SMIM36: variants seen among roughly 807,000 people sequenced by gnomAD.
The protein encoded by SMIM36 is small integral membrane protein 36.
At chr17:55,508,928 C>CAAAAAAAAAAAAAA (rs35834283) in intron 1 of SMIM36, among the ~76,000 whole-genome samples, 1 of 97,046 alleles carries the variant, frequency 1.0e-5, no homozygotes, top group Non-Finnish European at 2.1e-5. Context: ...TGTCTCAGAA[C>CAAAAAAAAAAAAAA]AAAAAAAAAA....
intron 1 of SMIM36, among the ~76,000 whole-genome samples, chr17:55,504,986 T>C (rs1448131939): frequency 3.4e-5 from 3 of 88,704 alleles, no homozygotes; most frequent in Non-Finnish European, 6.3e-5. Context: ...AAGAAATGGA[T>C]AAATTCCTCG....
At chr17:55,522,815 A>G in the SMIM36 span, among the ~76,000 whole-genome samples, 1 of 151,126 alleles carries the variant, frequency 6.6e-6, no homozygotes, top group Non-Finnish European at 1.5e-5. Flanking sequence ...TTGTGATATG[A>G]CTCTCCCCTC....
At chr17:55,529,599 C>G in the SMIM36 span, among the ~76,000 whole-genome samples, 1 of 145,844 alleles carries the variant, frequency 6.9e-6, no homozygotes, top group Non-Finnish European at 1.5e-5. Context: ...AACCCCATCT[C>G]TACTAAAAAT....
intron 1 of SMIM36, among the ~76,000 whole-genome samples, chr17:55,494,558 C>G (rs774179974): frequency 4.6e-5 from 7 of 151,964 alleles, no homozygotes; most frequent in Non-Finnish European, 8.8e-5. Context: ...GGTGCAGAGC[C>G]GGTCTTCAAA....
chr17:55,496,317 A>C (rs896799058), intron 1 of SMIM36, among the ~76,000 whole-genome samples: 3 of 152,170 alleles, frequency 2.0e-5, no homozygotes, highest in Non-Finnish European at 4.4e-5. Context: ...CCAGGCTGGC[A>C]ATGCGTCAAG....
intron 4 of SMIM36, among the ~76,000 whole-genome samples, chr17:55,450,891 CTTCTTTTTTTT>C (rs913065237): frequency 3.9e-5 from 6 of 152,104 alleles, no homozygotes; most frequent in Non-Finnish European, 7.4e-5. Flanking sequence ...TCCATAGTGG[CTTCTTTTTTTT>C]TTGAGACGGA....
intron 3 of SMIM36, among the ~76,000 whole-genome samples, chr17:55,476,862 C>T (rs1909435894): frequency 6.6e-6 from 1 of 152,194 alleles, no homozygotes; most frequent in South Asian, 2.1e-4. Flanking sequence ...CCACCATGCC[C>T]GGCCAAGATG....
At chr17:55,450,260 T>G (rs1567860524) in exon 5 of SMIM36, 1 of 151,960 alleles carries the variant, frequency 6.6e-6, no homozygotes. Context: ...TCGGAGGGAG[T>G]ACAGCCCCTC....
intron 3 of SMIM36, among the ~76,000 whole-genome samples, chr17:55,469,240 G>A (rs780334386): frequency 4.6e-5 from 7 of 151,928 alleles, no homozygotes; most frequent in Non-Finnish European, 8.8e-5. Context: ...TTACAGTTTC[G>A]TTCCGCGACT....
In SMIM36 at chr17:55,467,722, A is replaced by T. The variant is rs527443590; in HGVS notation, c.*348-394T>A. On this transcript the variant is annotated intron_variant, in intron 3 of 4. Coordinates refer to ENST00000636752, the Ensembl canonical transcript of SMIM36. ...ACCATATTTTTAGTTTGATAAATGC[A>T]GGTTGAGTTTGCGATTGTCTCTGCT... Among the ~76,000 whole-genome samples the T allele has an allele frequency of 3.9e-4, 59 of 152,266 alleles. 1 individual carries two copies. Among genetic ancestry groups the T allele is most frequent in the Admixed American group, 3.9e-3 (59 of 15,294 alleles).
At chr17:55,490,499 C>T (rs1438641034) in intron 1 of SMIM36, among the ~76,000 whole-genome samples, 1 of 152,108 alleles carries the variant, frequency 6.6e-6, no homozygotes, top group African/African-American at 2.4e-5. Context: ...GGTTTGTACA[C>T]TTGACATTTT....
intron 1 of SMIM36, among the ~76,000 whole-genome samples, chr17:55,510,508 G>C (rs1910161233): frequency 6.6e-6 from 1 of 152,124 alleles, no homozygotes; most frequent in African/African-American, 2.4e-5. Flanking sequence ...AAGTGGGAAG[G>C]TTGCTTGAGC....
rs1285473047 is a variant in SMIM36, at chr17:55,507,658, G to A, written c.*174+3221C>T. Among the ~76,000 whole-genome samples, 22 of 143,796 alleles carry A rather than the reference G, an allele frequency of 1.5e-4. 1 individual carries two copies. Among genetic ancestry groups the A allele is most frequent in the African/African-American group, 5.8e-4 (22 of 38,154 alleles). 94.3% of individuals were successfully genotyped at this position (143,796 alleles called of 152,430 possible). A position where few individuals can be genotyped will look rare whatever the true frequency, so the allele number is the denominator to read the frequency against. On this transcript the variant is annotated intron_variant, in intron 1 of 4. Transcript: ENST00000636752. Reference sequence around the variant, plus strand: ...ACGAGTTAGTGGGTGCAGTGCACCAGCATGGCACATGTATACATATGTAAC... The same window carrying A: ...ACGAGTTAGTGGGTGCAGTGCACCAACATGGCACATGTATACATATGTAAC...
chr17:55,474,499 G>A (rs147399518), intron 3 of SMIM36, among the ~76,000 whole-genome samples: 3 of 151,614 alleles, frequency 2.0e-5, no homozygotes, highest in Non-Finnish European at 4.4e-5. Context: ...TCTGTAACTT[G>A]GTAAGTCTGG....
chr17:55,525,409 A>G, the SMIM36 span, among the ~76,000 whole-genome samples: 1 of 151,632 alleles, frequency 6.6e-6, no homozygotes, highest in East Asian at 1.9e-4. Context: ...TCCAAATCCT[A>G]CCTCCCCCAT....
In SMIM36 at chr17:55,505,613, A is replaced by G. The variant is rs1412416454; in HGVS notation, c.*174+5266T>C. On this transcript the variant is annotated intron_variant, in intron 1 of 4. Coordinates refer to ENST00000636752, the Ensembl canonical transcript of SMIM36. Reference sequence around the variant, plus strand: ...AGCTATCTATGACAAACCCACAGCCAATATCATACTGAATGGGCAAAAACT... The same window carrying G: ...AGCTATCTATGACAAACCCACAGCCGATATCATACTGAATGGGCAAAAACT... 2.9e-5 allele frequency among the ~76,000 whole-genome samples: 2 copies of G among 68,026 alleles called. 1 individual carries two copies. The highest frequency in any genetic ancestry group is 4.6e-5 in the Non-Finnish European group (2 of 43,600). 44.6% of individuals were successfully genotyped at this position (68,026 alleles called of 152,430 possible). A position where few individuals can be genotyped will look rare whatever the true frequency, so the allele number is the denominator to read the frequency against.
At chr17:55,471,190 G>A (rs1359661884) in intron 3 of SMIM36, among the ~76,000 whole-genome samples, 1 of 152,038 alleles carries the variant, frequency 6.6e-6, no homozygotes, top group African/African-American at 2.4e-5. Flanking sequence ...AACTCACCTG[G>A]ACTGTTCTGC....
intron 4 of SMIM36, among the ~76,000 whole-genome samples, chr17:55,465,127 A>C (rs796741342): frequency 1.3e-5 from 2 of 152,346 alleles, no homozygotes; most frequent in African/African-American, 4.8e-5. Context: ...GTTCATAAAC[A>C]ATCTGCTCCA....
At chr17:55,512,051 A>G (rs562939736), upstream of SMIM36, among the ~76,000 whole-genome samples, 2 of 152,364 alleles carry the variant, frequency 1.3e-5, no homozygotes, top group South Asian at 4.1e-4. Context: ...TCGCCATTTA[A>G]GAACAGTGGA....
Sources: gnomAD v4.1 joint callset for allele counts (sites outside exome capture counted in the v4.1 genomes callset) on GRCh38, gnomAD v4.1.1 for gene constraint, MANE v1.5 for transcripts, NCBI Gene and HGNC (gene_info 2026-07-23, HGNC 2026-07-21) for gene names.